The following ZNF397 variants were observed in gnomAD, a reference collection of about 807,000 sequenced individuals.
The protein encoded by ZNF397 is zinc finger protein 397, also known as zinc finger and SCAN domain-containing protein 15.
In ZNF397, 38 loss-of-function variants were observed where a neutral mutation model predicts 50.6. That is an observed-to-expected ratio of 0.75 (90% CI 0.58 to 0.98). The LOEUF (loss-of-function observed/expected upper bound fraction) is 0.98, where lower values mean the gene tolerates loss of function less well. ZNF397 is among the 50% of genes least tolerant of loss of function. The pLI is 0.00. For synonymous variants in ZNF397, 228 were observed against 215.2 expected (o/e 1.06, Z -0.52); for missense variants, 624 against 624.1 (o/e 1.00, Z 0.00).
intron 5 of ZNF397, among the ~76,000 whole-genome samples, chr18:35,256,106 T>C (rs1206486722): frequency 6.6e-6 from 1 of 152,194 alleles, no homozygotes; most frequent in African/African-American, 2.4e-5. Flanking sequence ...TGTAACTATA[T>C]GAAGTCAAAT....
Position 35,245,933 on chromosome 18 carries a change from T to C in ZNF397, c.1228T>C (p.Ser410Pro), listed in dbSNP as rs376630433. The C allele has an allele frequency of 1.3e-6, 2 of 1,577,212 alleles. No individual in the cohort carries two copies. Among genetic ancestry groups the C allele is most frequent in the East Asian group, 4.7e-5 (2 of 42,764 alleles). Residue 410 changes from serine (S) to proline (P), a missense_variant, in exon 4 of 4, where the codon TCA (serine) becomes CCA (proline). Ser to Pro is a moderately conservative substitution (Grantham distance 74, BLOSUM62 -1). Coordinates refer to ENST00000330501, the MANE Select transcript of ZNF397 (RefSeq NM_001135178.3). Reference sequence around the variant, plus strand: ...ATGTGGGAAAACCTTTAGCCAGAGCTCAAAACTCATTAGACATCAGCGAAT... The same window carrying C: ...ATGTGGGAAAACCTTTAGCCAGAGCCCAAAACTCATTAGACATCAGCGAAT... ...NECGKTFSQS[S>P]KLIRHQRIHT...
rs1276953253 is a variant in ZNF397 at position 35,248,272 on chromosome 18, C to G, written c.*1962C>G. The G allele has an allele frequency of 2.0e-5, 3 of 152,134 alleles. No homozygotes were observed. Among genetic ancestry groups the G allele is most frequent in the African/African-American group, 7.2e-5 (3 of 41,432 alleles). 9.4% of individuals were successfully genotyped at this position (152,134 alleles called of 1,614,324 possible). On this transcript the variant is annotated 3_prime_UTR_variant, in exon 4 of 4. Transcript: ENST00000330501. The stretch of plus-strand genomic sequence containing the variant: ...AAAAGAAGCAAAGAGAAGTAATGCT[C>G]TTATTGGGGCGTGCATCAGTGGACA...
chr18:35,242,865 T>C lies in ZNF397; in HGVS notation c.395T>C (p.Phe132Ser), dbSNP rs1337791683. The C allele has an allele frequency of 6.2e-7, 1 of 1,610,994 alleles. No individual in the cohort carries two copies. Among genetic ancestry groups the C allele is most frequent in the Admixed American group, 1.7e-5 (1 of 59,784 alleles). ...CTGTTGGAGGATTTAGAGAGGGAGT[T>C]TGATGACCCAGGGCAGCAGGTGGGA... ...VTLLEDLERE[F>S]DDPGQQVPAS... Residue 132 changes from phenylalanine to serine, a missense_variant, in exon 2 of 4, where the codon TTT becomes TCT. Physicochemically the swap from Phe to Ser is radical, Grantham distance 155. Transcript: ENST00000330501.
In ZNF397 at chr18:35,245,166, C is replaced by G. The variant is rs1598582277; in HGVS notation, c.557-96C>G. ...AAAAGATACTGGAGGACAGTGACAT[C>G]TTTGTAGGTAGAAGCTTCTGTTTTC... On this transcript the variant is annotated intron_variant, in intron 3 of 3. Coordinates refer to ENST00000330501, the MANE Select transcript of ZNF397 (RefSeq NM_001135178.3). The G allele has an allele frequency of 5.6e-6, 8 of 1,427,690 alleles. No individual in the cohort carries two copies. The East Asian group carries it at 2.0e-4, about 36-fold the overall frequency. The allele number at this position is 1,427,690 out of a possible 1,614,324, so 88.4% of individuals were successfully genotyped here.
Sources: allele counts gnomAD v4.1 joint callset (sites outside exome capture counted in the v4.1 genomes callset), GRCh38; gene constraint gnomAD v4.1.1; transcripts MANE v1.5; gene names NCBI Gene and HGNC (gene_info 2026-07-23, HGNC 2026-07-21).